Variants in ARHGAP32 observed in about 807,000 individuals in gnomAD.
ARHGAP32 encodes the protein Rho GTPase activating protein 32.
Under a neutral mutation model 186.5 loss-of-function variants are expected in ARHGAP32, and 51 were observed. That is an observed-to-expected ratio of 0.27 (90% confidence interval 0.22 to 0.35). The LOEUF is 0.35. ARHGAP32 is among the 10% of genes least tolerant of loss of function. The probability of loss-of-function intolerance (pLI) is 1.00; values close to 1 mark genes in which losing one functional copy is unlikely to be tolerated. For missense variants in ARHGAP32, 2,186 were observed against 2,623.5 expected (o/e 0.83, Z 3.64); for synonymous variants, 950 against 964.3 (o/e 0.99, Z 0.27).
intron 1 of ARHGAP32, among the ~76,000 whole-genome samples, chr11:129,216,633 T>C (rs867893640): frequency 7.1e-6 from 1 of 140,542 alleles, no homozygotes; most frequent in Non-Finnish European, 1.5e-5. Context: ...ATTGCGCCAC[T>C]GCACTCCAGC....
chr11:129,091,137 T>C (rs1941566962), intron 6 of ARHGAP32, among the ~76,000 whole-genome samples: 1 of 152,120 alleles, frequency 6.6e-6, no homozygotes, highest in African/African-American at 2.4e-5. Flanking sequence ...ATTCAAGACA[T>C]CTTAAAAAGC....
In ARHGAP32 at chr11:129,177,405, A is replaced by G. The variant is rs1467020402; in HGVS notation, c.117-12978T>C. The stretch of plus-strand genomic sequence containing the variant: ...CCTTCTGAAACTATTCCAGTCAATA[A>G]AAAAAGAGGGAATCCTCCCTAACTC... On this transcript the variant is annotated intron_variant, in intron 1 of 22. Transcript: ENST00000682385. Among the ~76,000 whole-genome samples, 4 of 152,250 alleles carry G rather than the reference A, an allele frequency of 2.6e-5. No homozygotes were observed. In the East Asian group the frequency reaches 5.8e-4, roughly 22 times the overall value.
chr11:129,075,530 GT>G (rs1386990628), intron 6 of ARHGAP32, among the ~76,000 whole-genome samples: 3 of 151,952 alleles, frequency 2.0e-5, no homozygotes, highest in Non-Finnish European at 4.4e-5. Context: ...AATAATTACA[GT>G]TGTAATTATT....
chr11:129,018,696 A>G (rs1404891183), intron 11 of ARHGAP32, among the ~76,000 whole-genome samples: 4 of 152,190 alleles, frequency 2.6e-5, no homozygotes, highest in Non-Finnish European at 5.9e-5. Context: ...TTTTATTTAC[A>G]AATAACTGGA....
At chr11:129,136,306 G>A (rs1047557525) in intron 2 of ARHGAP32, among the ~76,000 whole-genome samples, 11 of 152,152 alleles carry the variant, frequency 7.2e-5, no homozygotes, top group African/African-American at 2.4e-4. Context: ...CATATTGCAG[G>A]ATTTCATGTA....
rs1945474963 is a variant in ARHGAP32 at position 128,974,109 on chromosome 11, G to A, written c.3073+15C>T. 10 of 1,610,646 alleles carry A rather than the reference G, an allele frequency of 6.2e-6. No individual in the cohort carries two copies. The highest frequency in any genetic ancestry group is 4.2e-6 in the Non-Finnish European group (5 of 1,178,264). On this transcript the variant is annotated intron_variant, in intron 21 of 22. Coordinates refer to ENST00000682385, the MANE Select transcript of ARHGAP32 (RefSeq NM_001378024.1). ...CTCTTAACTTAAAGAAAGAATGGAG[G>A]AAAACAAACGGTACCTGTCTGAGTC...
chr11:129,152,620 A>G (rs1943313106), intron 2 of ARHGAP32, among the ~76,000 whole-genome samples: 1 of 152,170 alleles, frequency 6.6e-6, no homozygotes, highest in African/African-American at 2.4e-5. Flanking sequence ...CATACACAAA[A>G]TTTATAAGAA....
chr11:129,050,493 A>G (rs1038144400), intron 10 of ARHGAP32, among the ~76,000 whole-genome samples: 6 of 152,192 alleles, frequency 3.9e-5, no homozygotes, highest in Admixed American at 6.5e-5. Flanking sequence ...GGCACATGCT[A>G]CTGAGCTTGC....
chr11:129,129,108 GC>G lies in ARHGAP32; in HGVS notation c.226-4215del, dbSNP rs574807757. Among the ~76,000 whole-genome samples the G allele has an allele frequency of 3.5e-3, 539 of 151,896 alleles. 2 individuals are homozygous for G. Among genetic ancestry groups the G allele is most frequent in the African/African-American group, 0.013 (518 of 41,372 alleles). On this transcript the variant is annotated intron_variant, in intron 2 of 22. Coordinates refer to ENST00000682385, the MANE Select transcript of ARHGAP32 (RefSeq NM_001378024.1). ...CGTCTGGGATGTGAAGGGCGCCTCT[GC>G]CCGGCCGCGACCCCGTCTGGGAACT...
intron 2 of ARHGAP32, among the ~76,000 whole-genome samples, chr11:129,152,636 C>A (rs972719502): frequency 6.6e-6 from 1 of 152,058 alleles, no homozygotes; most frequent in Non-Finnish European, 1.5e-5. Context: ...AAGAAAAAAT[C>A]ATATGATCAT....
At chr11:129,137,359 A>T (rs1033296652) in intron 2 of ARHGAP32, among the ~76,000 whole-genome samples, 1 of 151,954 alleles carries the variant, frequency 6.6e-6, no homozygotes, top group East Asian at 1.9e-4. Flanking sequence ...TGTAAGTGTT[A>T]TAAGTATTTG....
chr11:129,045,049 T>C (rs890138058), intron 10 of ARHGAP32, among the ~76,000 whole-genome samples: 4 of 152,204 alleles, frequency 2.6e-5, no homozygotes, highest in African/African-American at 9.6e-5. Context: ...CACTGCATAC[T>C]ATACAGAGGT....
chr11:129,089,478 G>A (rs145228220), intron 6 of ARHGAP32, among the ~76,000 whole-genome samples: 5 of 152,286 alleles, frequency 3.3e-5, no homozygotes, highest in Admixed American at 6.5e-5. Context: ...CAGTGTGAAC[G>A]GAGTCATGGG....
chr11:129,278,762 C>A (rs1235484980), intron 1 of ARHGAP32, among the ~76,000 whole-genome samples: 1 of 151,732 alleles, frequency 6.6e-6, no homozygotes, highest in East Asian at 2.0e-4. Flanking sequence ...GAAACGCTCC[C>A]GCGGCTCCTC....
At chr11:129,025,103 T>C (rs1938776924) in intron 11 of ARHGAP32, among the ~76,000 whole-genome samples, 1 of 152,236 alleles carries the variant, frequency 6.6e-6, no homozygotes, top group African/African-American at 2.4e-5. Flanking sequence ...GCACTTACTA[T>C]GTGCCAGACA....
intron 1 of ARHGAP32, chr11:129,202,945 C>T (rs1409944538): frequency 1.3e-5 from 2 of 152,216 alleles, no homozygotes; most frequent in African/African-American, 4.8e-5. Context: ...GTAGCAGATT[C>T]TACTGAATGA....
chr11:129,242,010 G>C (rs1270875253), intron 1 of ARHGAP32, among the ~76,000 whole-genome samples: 2 of 152,222 alleles, frequency 1.3e-5, no homozygotes, highest in African/African-American at 4.8e-5. Context: ...GGCAAGCTGG[G>C]ATAGGGTCAG....
At chr11:129,066,511 T>C (rs946378971) in intron 7 of ARHGAP32, among the ~76,000 whole-genome samples, 1 of 152,070 alleles carries the variant, frequency 6.6e-6, no homozygotes, top group African/African-American at 2.4e-5. Flanking sequence ...CTTGTTGATA[T>C]ATTGTTATGA....
chr11:128,984,556 T>C lies in ARHGAP32; in HGVS notation c.1526+1447A>G, dbSNP rs182076556. On this transcript the variant is annotated intron_variant, in intron 15 of 22. Coordinates refer to ENST00000682385, the MANE Select transcript of ARHGAP32 (RefSeq NM_001378024.1). ...GTTAAAATTTTGGATAAAAAGTCTATATCAAAAGATATACAAAGTAGGAGA... is the reference window on the plus strand; with the variant it reads ...GTTAAAATTTTGGATAAAAAGTCTACATCAAAAGATATACAAAGTAGGAGA... Among the ~76,000 whole-genome samples, 5 of 152,270 alleles carry C rather than the reference T, an allele frequency of 3.3e-5. No individual in the cohort carries two copies. The East Asian group carries it at 7.7e-4, about 23-fold the overall frequency.
Sources: gnomAD v4.1 joint callset for allele counts (sites outside exome capture counted in the v4.1 genomes callset) on GRCh38, gnomAD v4.1.1 for gene constraint, MANE v1.5 for transcripts, NCBI Gene and HGNC (gene_info 2026-07-23, HGNC 2026-07-21) for gene names.